Variants in CACNA1E observed in about 807,000 individuals in gnomAD.
The protein encoded by CACNA1E is calcium voltage-gated channel subunit alpha1 E.
In CACNA1E, 40 loss-of-function variants were observed where a neutral mutation model predicts 259.2. The ratio of observed to expected loss-of-function variants is 0.15; its 90% CI spans 0.12 to 0.20. The LOEUF (loss-of-function observed/expected upper bound fraction) is 0.20, where lower values mean the gene tolerates loss of function less well. CACNA1E is among the 10% of genes least tolerant of loss of function. The pLI is 1.00. For synonymous variants in CACNA1E, 1,104 were observed against 1,138.5 expected, an observed-to-expected ratio of 0.97 and a Z score of 0.61; for missense variants, 1,874 against 3,040.1, an observed-to-expected ratio of 0.62 and a Z score of 9.02.
chr1:181,349,420 T>A (rs1571630061), intron 1 of CACNA1E, among the ~76,000 whole-genome samples: 1 of 152,120 alleles, frequency 6.6e-6, no homozygotes, highest in East Asian at 1.9e-4. Flanking sequence ...GGAGGCAGGG[T>A]ACATTTCAGG....
chr1:181,350,286 C>T (rs928097181), intron 1 of CACNA1E, among the ~76,000 whole-genome samples: 4 of 152,210 alleles, frequency 2.6e-5, no homozygotes, highest in South Asian at 2.1e-4. Context: ...GGAGCCTTCG[C>T]GGAGGATGTG....
intron 45 of CACNA1E, 101 bp downstream of exon 45, chr1:181,793,894 G>A (rs976353125): frequency 2.1e-5 from 27 of 1,258,654 alleles, no homozygotes; most frequent in Middle Eastern, 2.5e-4. Flanking sequence ...TGACTTGCCC[G>A]CACCCCTTCC....
intron 3 of CACNA1E, among the ~76,000 whole-genome samples, chr1:181,514,550 C>T (rs1462463062): frequency 6.6e-6 from 1 of 152,204 alleles, no homozygotes; most frequent in African/African-American, 2.4e-5. Flanking sequence ...GTCTTCCTGA[C>T]ACCTGCACCC....
At chr1:181,325,362 A>G (rs749445739) in intron 1 of CACNA1E, among the ~76,000 whole-genome samples, 1 of 152,132 alleles carries the variant, frequency 6.6e-6, no homozygotes, top group South Asian at 2.1e-4. Context: ...CCACAAGACC[A>G]GTCTGGGGGT....
In CACNA1E at chr1:181,526,298, G is replaced by A. The variant is rs974064717; in HGVS notation, c.512+14788G>A. 2.0e-5 allele frequency among the ~76,000 whole-genome samples: 3 copies of A among 151,896 alleles called. No individual in the cohort carries two copies. The East Asian group carries it at 5.8e-4, about 29-fold the overall frequency. ...ATTCCCCCATATCATGCTGCTAATA[G>A]TTAGTTGGTGGGGTCAGGATTCCAA... On this transcript the variant is annotated intron_variant, in intron 3 of 47. Coordinates refer to ENST00000367573, the MANE Select transcript of CACNA1E (RefSeq NM_001205293.3).
At chr1:181,322,322 G>C (rs201645401) in intron 1 of CACNA1E, among the ~76,000 whole-genome samples, 2 of 152,162 alleles carry the variant, frequency 1.3e-5, no homozygotes, top group East Asian at 3.8e-4. Context: ...ATAGGACAAA[G>C]GGAGAAGGAG....
intron 1 of CACNA1E, among the ~76,000 whole-genome samples, chr1:181,340,626 T>G (rs1652077298): frequency 6.6e-6 from 1 of 152,220 alleles, no homozygotes. Context: ...TCATCCATCT[T>G]GCATATTTTT....
intron 2 of CACNA1E, among the ~76,000 whole-genome samples, chr1:181,424,548 C>T (rs929485704): frequency 2.0e-5 from 3 of 152,222 alleles, no homozygotes; most frequent in Admixed American, 6.5e-5. Flanking sequence ...CAAGGAGGGT[C>T]CTGTACTGGG....
chr1:181,570,918 G>A (rs1278933214), intron 3 of CACNA1E, among the ~76,000 whole-genome samples: 3 of 152,178 alleles, frequency 2.0e-5, no homozygotes, highest in Non-Finnish European at 4.4e-5. Context: ...GCCCCAACAA[G>A]GTTTCTGCTT....
At chr1:181,682,750 G>A (rs1369402201) in intron 7 of CACNA1E, among the ~76,000 whole-genome samples, 9 of 152,178 alleles carry the variant, frequency 5.9e-5, no homozygotes, top group Non-Finnish European at 1.3e-4. Flanking sequence ...GCAGTAGGAA[G>A]AGAGTGAGTG....
intron 3 of CACNA1E, among the ~76,000 whole-genome samples, chr1:181,538,835 G>A (rs1668365006): frequency 6.6e-6 from 1 of 152,220 alleles, no homozygotes; most frequent in Non-Finnish European, 1.5e-5. Flanking sequence ...CAGTGATATA[G>A]TGTTAATCTG....
rs1218095259 is a variant in CACNA1E, at chr1:181,605,120, T to A, written c.951+24344T>A. Among the ~76,000 whole-genome samples, 5 of 152,262 alleles carry A rather than the reference T, an allele frequency of 3.3e-5. No homozygotes were observed. In the East Asian group the frequency reaches 9.6e-4, roughly 29 times the overall value. ...AGAGAAAAGAAAGTGCTTTTGAGTG[T>A]GTGCATGCATGCTCATACATTCACG... is the stretch of plus-strand genomic sequence containing the variant. On this transcript the variant is annotated intron_variant, in intron 6 of 47. Coordinates refer to ENST00000367573, the MANE Select transcript of CACNA1E (RefSeq NM_001205293.3).
At chr1:181,469,234 G>A (rs1204691563) in intron 2 of CACNA1E, among the ~76,000 whole-genome samples, 1 of 152,108 alleles carries the variant, frequency 6.6e-6, no homozygotes, top group East Asian at 1.9e-4. Context: ...CTGAATGGAA[G>A]GTAATACTGA....
intron 1 of CACNA1E, among the ~76,000 whole-genome samples, chr1:181,496,651 G>A (rs1378463273): frequency 2.0e-5 from 3 of 152,192 alleles, no homozygotes; most frequent in Non-Finnish European, 4.4e-5. Context: ...TGCCTAATGA[G>A]CTTGGTGAAG....
At chr1:181,661,978 C>T (rs1647730009) in intron 7 of CACNA1E, among the ~76,000 whole-genome samples, 1 of 152,148 alleles carries the variant, frequency 6.6e-6, no homozygotes, top group Non-Finnish European at 1.5e-5. Context: ...TGAAAATGAA[C>T]AGGTCCTCCA....
chr1:181,340,054 C>CTT (rs10660034), intron 1 of CACNA1E, among the ~76,000 whole-genome samples: 59,100 of 147,602 alleles, frequency 0.4, 11,860 homozygotes, highest in Non-Finnish European at 0.44. Flanking sequence ...AAAAATTATA[C>CTT]TTTTTTTTTT....
intron 2 of CACNA1E, among the ~76,000 whole-genome samples, chr1:181,476,231 A>G (rs1490008508): frequency 6.6e-6 from 1 of 152,172 alleles, no homozygotes; most frequent in African/African-American, 2.4e-5. Flanking sequence ...GCCCAGGTAT[A>G]TATTTCAAAA....
At chr1:181,560,574 C>G (rs759095307) in intron 3 of CACNA1E, among the ~76,000 whole-genome samples, 12 of 152,086 alleles carry the variant, frequency 7.9e-5, no homozygotes, top group Non-Finnish European at 1.6e-4. Flanking sequence ...TTGAGTGCAC[C>G]ATACTTTGCT....
intron 6 of CACNA1E, among the ~76,000 whole-genome samples, chr1:181,632,953 G>A (rs1331548714): frequency 6.6e-6 from 1 of 152,266 alleles, no homozygotes; most frequent in East Asian, 1.9e-4. Context: ...TTTGAGTTTG[G>A]AGAATATTAT....
Sources: gnomAD v4.1 joint callset for allele counts (sites outside exome capture counted in the v4.1 genomes callset) on GRCh38, gnomAD v4.1.1 for gene constraint, MANE v1.5 for transcripts, NCBI Gene and HGNC (gene_info 2026-07-23, HGNC 2026-07-21) for gene names.